The following PCDHA2 variants were observed in gnomAD, a reference collection of about 807,000 sequenced individuals.
The protein encoded by PCDHA2 is protocadherin alpha 2.
PCDHA2 carries 58 observed loss-of-function variants against 66.0 expected under a neutral mutation model. The ratio of observed to expected loss-of-function variants is 0.88; its 90% CI spans 0.71 to 1.09. The LOEUF (loss-of-function observed/expected upper bound fraction) is 1.09. PCDHA2 is among the 50% of genes least tolerant of loss of function. The pLI is 0.00. For synonymous variants in PCDHA2, 634 were observed against 554.0 expected (o/e 1.14, Z -2.03); for missense variants, 1,267 against 1,242.3 (o/e 1.02, Z -0.30).
At chr5:140,919,176 C>A (rs2079027921) in intron 1 of PCDHA2, among the ~76,000 whole-genome samples, 2 of 152,184 alleles carry the variant, frequency 1.3e-5, no homozygotes, top group Non-Finnish European at 1.5e-5. Flanking sequence ...GTTGCTATAT[C>A]TTCCTGATTG....
rs199571672 is a variant in PCDHA2 at position 140,994,794 on chromosome 5, T to C, written c.2536+12231T>C. On this transcript the variant is annotated intron_variant, in intron 3 of 3. Transcript: ENST00000526136. The stretch of plus-strand genomic sequence containing the variant: ...CCAGGCAAAGGAAACAATGCGTGCA[T>C]GCAAAAACAAAATACAAAAAACTGA... Among the ~76,000 whole-genome samples the C allele has an allele frequency of 7.2e-5, 11 of 152,270 alleles. No individual in the cohort carries two copies. The East Asian group carries it at 2.1e-3, about 29-fold the overall frequency.
At chr5:140,823,384 C>T (rs2150125335) in intron 1 of PCDHA2, 3 of 1,612,824 alleles carry the variant, frequency 1.9e-6, no homozygotes, top group Non-Finnish European at 2.5e-6. Context: ...GGTGAGCGCG[C>T]GCGACGCGGG....
chr5:140,864,968 G>C (rs1354647495), intron 1 of PCDHA2: 1 of 152,146 alleles, frequency 6.6e-6, no homozygotes, highest in Non-Finnish European at 1.5e-5. Flanking sequence ...GAAGCCGAGG[G>C]AGGAGGATCG....
intron 1 of PCDHA2, chr5:140,870,682 C>G: frequency 6.2e-7 from 1 of 1,612,762 alleles, no homozygotes; most frequent in South Asian, 1.1e-5. Flanking sequence ...CCACGAGGAG[C>G]TGGAGCTGCT....
intron 1 of PCDHA2, among the ~76,000 whole-genome samples, chr5:140,963,621 T>C (rs1428734637): frequency 2.6e-5 from 4 of 152,334 alleles, no homozygotes; most frequent in African/African-American, 9.6e-5. Flanking sequence ...AGCTTAACTT[T>C]GTTGCATACG....
intron 1 of PCDHA2, chr5:140,849,250 C>T: frequency 9.2e-7 from 1 of 1,091,342 alleles, no homozygotes; most frequent in Non-Finnish European, 1.3e-6. Context: ...GTGAAATTAC[C>T]AGAAAACGTT....
At chr5:140,918,046 G>A (rs1159911161) in intron 1 of PCDHA2, among the ~76,000 whole-genome samples, 2 of 152,006 alleles carry the variant, frequency 1.3e-5, no homozygotes, top group African/African-American at 4.8e-5. Flanking sequence ...CTTTCCATTT[G>A]TTTTATCATC....
chr5:140,926,128 CGCAGCAGGATCCAGCGCGGAAAGCTCT>C (rs1157627097), intron 1 of PCDHA2, among the ~76,000 whole-genome samples: 1 of 152,278 alleles, frequency 6.6e-6, no homozygotes, highest in East Asian at 1.9e-4. Flanking sequence ...GACTTCAACC[CGCAGCAGGATCCAGCGCGGAAAGCTCT>C]GCAGCAGGAT....
intron 1 of PCDHA2, among the ~76,000 whole-genome samples, chr5:140,951,992 A>G (rs1469467629): frequency 6.6e-6 from 1 of 152,212 alleles, no homozygotes; most frequent in Non-Finnish European, 1.5e-5. Flanking sequence ...AAAACCAGCC[A>G]AAAGAAAGAA....
Position 140,847,574 on chromosome 5 carries a change from G to T in PCDHA2, c.2388+50222G>T, listed in dbSNP as rs1038933297. 2 of 149,278 alleles carry T rather than the reference G, an allele frequency of 1.3e-5. 1 individual carries two copies. The highest frequency in any genetic ancestry group is 3.0e-5 in the Non-Finnish European group (2 of 66,762). The allele number at this position is 149,278 out of a possible 1,614,324, so 9.2% of individuals were successfully genotyped here. On this transcript the variant is annotated intron_variant, in intron 1 of 3. Coordinates refer to ENST00000526136, the MANE Select transcript of PCDHA2 (RefSeq NM_018905.3). The stretch of plus-strand genomic sequence containing the variant: ...AACAGAAATTGCCCCGAGTACTAAG[G>T]ATGAGCAATAATGAAATTAAAACAT...
At chr5:140,936,773 C>T (rs916525557) in intron 1 of PCDHA2, among the ~76,000 whole-genome samples, 3 of 152,280 alleles carry the variant, frequency 2.0e-5, no homozygotes, top group African/African-American at 7.2e-5. Context: ...TGTAAGTTCT[C>T]TCACTTTGTT....
intron 1 of PCDHA2, among the ~76,000 whole-genome samples, chr5:140,897,559 G>A (rs1554187454): frequency 6.6e-6 from 1 of 152,026 alleles, no homozygotes; most frequent in African/African-American, 2.4e-5. Context: ...TGGTGTATAT[G>A]TGCCACATTT....
In PCDHA2 at chr5:140,796,318, G is replaced by A. The variant is rs782095286; in HGVS notation, c.1354G>A (p.Ala452Thr). ...SIEVADVNDN[A>T]PAFAQPEYTV... ...CGAGGTGGCCGACGTGAACGACAAC[G>A]CGCCGGCGTTCGCACAGCCTGAGTA... Residue 452 changes from alanine to threonine, a missense_variant, in exon 1 of 4, where the codon GCG becomes ACG. Transcript: ENST00000526136. 5 of 1,614,102 alleles carry A rather than the reference G, an allele frequency of 3.1e-6. No individual in the cohort carries two copies. Among genetic ancestry groups the A allele is most frequent in the Non-Finnish European group, 4.2e-6 (5 of 1,180,006 alleles).
At position 141,011,317 on chromosome 5, in the gene PCDHA2, T is replaced by C. The variant is rs1554263417; in HGVS notation, c.*1380T>C. On this transcript the variant is annotated 3_prime_UTR_variant, in exon 4 of 4. Transcript: ENST00000526136. ...TAACACTCTGAATTGCTAATCTTAC[T>C]AACACCTATGATGTTACCTGAAATC... 1 of 153,818 alleles carries C rather than the reference T, an allele frequency of 6.5e-6. No homozygotes were observed. The highest frequency in any genetic ancestry group is 2.4e-5 in the African/African-American group (1 of 41,470). 9.5% of individuals were successfully genotyped at this position (153,818 alleles called of 1,614,324 possible).
chr5:140,801,944 C>T (rs782586334), intron 1 of PCDHA2: 1 of 1,614,178 alleles, frequency 6.2e-7, no homozygotes, highest in South Asian at 1.1e-5. Context: ...TCTATAAAGT[C>T]AGATTACTCG....
intron 1 of PCDHA2, chr5:140,843,069 G>A (rs2150351711): frequency 5.6e-6 from 9 of 1,595,200 alleles, no homozygotes; most frequent in Admixed American, 1.7e-5. Flanking sequence ...CTGGTGCCGC[G>A]GTCTGTGGGC....
intron 1 of PCDHA2, chr5:140,968,932 A>C: frequency 6.2e-7 from 1 of 1,614,164 alleles, no homozygotes; most frequent in Non-Finnish European, 8.5e-7. Context: ...TTCTTTTGAC[A>C]ATCATCATTT....
intron 1 of PCDHA2, among the ~76,000 whole-genome samples, chr5:140,847,087 C>G (rs192682814): frequency 6.7e-6 from 1 of 149,796 alleles, no homozygotes; most frequent in Non-Finnish European, 1.5e-5. Flanking sequence ...GAAAAGTCCA[C>G]TTTGGTTAAA....
At chr5:140,893,984 AT>A (rs1305613741) in intron 1 of PCDHA2, among the ~76,000 whole-genome samples, 1 of 152,200 alleles carries the variant, frequency 6.6e-6, no homozygotes, top group South Asian at 2.1e-4. Context: ...TAATTTTAAA[AT>A]ATCTCCAATT....
Sources: gnomAD v4.1 joint callset for allele counts (sites outside exome capture counted in the v4.1 genomes callset) on GRCh38, gnomAD v4.1.1 for gene constraint, MANE v1.5 for transcripts, NCBI Gene and HGNC (gene_info 2026-07-23, HGNC 2026-07-21) for gene names.